The following GLG1 variants were observed in gnomAD, a reference collection of about 807,000 sequenced individuals.
GLG1 encodes the protein Golgi apparatus protein 1.
A neutral mutation model predicts 160.5 loss-of-function variants in GLG1; 38 were observed. The ratio of observed to expected loss-of-function variants is 0.24; its 90% CI spans 0.18 to 0.31. GLG1 has a LOEUF of 0.31. Among genes scored for constraint, GLG1 ranks in the 10% least tolerant of loss-of-function variants. GLG1 has a pLI of 1.00. For missense variants in GLG1, 1,373 were observed against 1,505.2 expected (o/e 0.91, Z 1.45); for synonymous variants, 644 against 543.4 (o/e 1.19, Z -2.57).
chr16:74,569,992 G>C (rs543909392), intron 1 of GLG1, among the ~76,000 whole-genome samples: 2 of 150,300 alleles, frequency 1.3e-5, no homozygotes, highest in Admixed American at 1.3e-4. Flanking sequence ...AGACCAGTTT[G>C]GGCAACACAG....
At position 74,579,519 on chromosome 16, in the gene GLG1, C is replaced by T. The variant is rs1489756775; in HGVS notation, c.438+27138G>A. On this transcript the variant is annotated intron_variant, in intron 1 of 25. Transcript: ENST00000422840. ...GGTGGATCACCTGAGGTCAGGAGTT[C>T]GAGACCAGCCTGGCCAACATGGCAA... Among the ~76,000 whole-genome samples the T allele has an allele frequency of 4.2e-5, 6 of 144,304 alleles. No homozygotes were observed. The East Asian group carries it at 8.6e-4, about 21-fold the overall frequency. 94.7% of individuals were successfully genotyped at this position (144,304 alleles called of 152,430 possible).
chr16:74,605,713 T>C (rs999059926), intron 1 of GLG1, among the ~76,000 whole-genome samples: 1 of 152,112 alleles, frequency 6.6e-6, no homozygotes, highest in Non-Finnish European at 1.5e-5. Context: ...TTGCTATAGC[T>C]TGAACGCCTT....
At chr16:74,514,337 G>A (rs2016909732) in intron 2 of GLG1, among the ~76,000 whole-genome samples, 1 of 152,290 alleles carries the variant, frequency 6.6e-6, no homozygotes, top group African/African-American at 2.4e-5. Context: ...ACACATAATT[G>A]TCAGATTCAC....
Position 74,452,347 on chromosome 16 carries a change from G to A in GLG1, c.*820C>T. On this transcript the variant is annotated 3_prime_UTR_variant, in exon 26 of 26. Coordinates refer to ENST00000422840, the MANE Select transcript of GLG1 (RefSeq NM_001145667.2). ...AGGTTCCTGGGATCCTGCTGCCCCG[G>A]GACTCAGGATCCAGCCTCTCAGTGC... 7.3e-7 allele frequency: 1 copy of A among 1,374,976 alleles called. No individual in the cohort carries two copies. Among genetic ancestry groups the A allele is most frequent in the Non-Finnish European group, 9.4e-7 (1 of 1,061,700 alleles). 85.2% of individuals were successfully genotyped at this position (1,374,976 alleles called of 1,614,324 possible). A position where few individuals can be genotyped will look rare whatever the true frequency, so the allele number is the denominator to read the frequency against.
rs369292889 is a variant in GLG1 at position 74,572,945 on chromosome 16, T to C, written c.438+33712A>G. On this transcript the variant is annotated intron_variant, in intron 1 of 25. Transcript: ENST00000422840. ...TGGGATCTGATGCTATTTCCAGGTATATAGTGTCAAGGATTGAGCTGAATT... is the reference window on the plus strand; with the variant it reads ...TGGGATCTGATGCTATTTCCAGGTACATAGTGTCAAGGATTGAGCTGAATT... 5.3e-5 allele frequency among the ~76,000 whole-genome samples: 8 copies of C among 152,274 alleles called. No individual in the cohort carries two copies. In the East Asian group the frequency reaches 7.7e-4, roughly 15 times the overall value.
chr16:74,532,577 G>T (rs188392817), intron 1 of GLG1, among the ~76,000 whole-genome samples: 6 of 151,936 alleles, frequency 3.9e-5, no homozygotes, highest in Admixed American at 2.6e-4. Flanking sequence ...AGGCTGCCAT[G>T]CAGTGGCGCA....
intron 2 of GLG1, among the ~76,000 whole-genome samples, chr16:74,511,358 A>C (rs777816108): frequency 4.6e-5 from 7 of 152,028 alleles, no homozygotes; most frequent in Admixed American, 1.3e-4. Context: ...ACCATCAATA[A>C]CTGAGTTTTT....
chr16:74,539,790 G>A (rs1201678227), intron 1 of GLG1, among the ~76,000 whole-genome samples: 1 of 147,270 alleles, frequency 6.8e-6, no homozygotes, highest in Non-Finnish European at 1.5e-5. Context: ...AAGATGCTCT[G>A]CCCCAAACTT....
chr16:74,529,999 G>T (rs1597314604), intron 2 of GLG1, among the ~76,000 whole-genome samples: 1 of 151,366 alleles, frequency 6.6e-6, no homozygotes, highest in East Asian at 1.9e-4. Context: ...TTTAGTAGAG[G>T]GGTTTCACTA....
intron 1 of GLG1, among the ~76,000 whole-genome samples, chr16:74,535,841 G>T (rs1392447988): frequency 1.3e-5 from 2 of 152,124 alleles, no homozygotes. Flanking sequence ...GAACCAAATC[G>T]CTATGAAGAA....
At chr16:74,590,795 C>CA (rs71158529) in intron 1 of GLG1, among the ~76,000 whole-genome samples, 839 of 68,506 alleles carry the variant, frequency 0.012, 5 homozygotes, top group Non-Finnish European at 0.014. Context: ...GAAACTGTCT[C>CA]AAAAAAAAAA....
chr16:74,507,708 C>T (rs1369294498), intron 3 of GLG1, among the ~76,000 whole-genome samples: 2 of 151,672 alleles, frequency 1.3e-5, no homozygotes, highest in Admixed American at 6.6e-5. Flanking sequence ...TGCACTCCAG[C>T]GTGGGCGACA....
intron 1 of GLG1, among the ~76,000 whole-genome samples, chr16:74,594,977 A>G (rs1958266010): frequency 6.6e-6 from 1 of 152,094 alleles, no homozygotes; most frequent in South Asian, 2.1e-4. Context: ...TCACGAGGTC[A>G]GGAGATCAAG....
At chr16:74,464,867 G>C (rs2014942499) in intron 19 of GLG1, among the ~76,000 whole-genome samples, 1 of 151,956 alleles carries the variant, frequency 6.6e-6, no homozygotes, top group Non-Finnish European at 1.5e-5. Flanking sequence ...TTTTGAGACA[G>C]AGTCTTACTC....
At chr16:74,595,142 C>T (rs543306578) in intron 1 of GLG1, among the ~76,000 whole-genome samples, 117 of 150,280 alleles carry the variant, frequency 7.8e-4, no homozygotes, top group African/African-American at 2.7e-3. Context: ...GAGCGGAGAT[C>T]GCGCCACTGC....
rs201489559 is a variant in GLG1, at chr16:74,481,396, T to C, written c.1674-1002A>G. Among the ~76,000 whole-genome samples, 48 of 152,250 alleles carry C rather than the reference T, an allele frequency of 3.2e-4. No individual in the cohort carries two copies. The East Asian group carries it at 5.8e-3, about 18-fold the overall frequency. On this transcript the variant is annotated intron_variant, in intron 10 of 25. Transcript: ENST00000422840. The stretch of plus-strand genomic sequence containing the variant: ...TCAACTTTGGTAGATGGCTAGTTAA[T>C]GGGAGAAAAAAGCTAATATTTAATG...
chr16:74,475,045 A>G (rs1254139565), intron 12 of GLG1, among the ~76,000 whole-genome samples: 2 of 151,436 alleles, frequency 1.3e-5, no homozygotes, highest in African/African-American at 2.4e-5. Flanking sequence ...TAATCCCAGC[A>G]ACTCAGGAGG....
intron 5 of GLG1, 124 bp from the exon 6 acceptor site, chr16:74,494,955 C>T (rs993533126): frequency 6.3e-6 from 3 of 477,408 alleles, no homozygotes; most frequent in South Asian, 3.7e-5. Context: ...GGACAAACAG[C>T]GCTTCCATTT....
At chr16:74,479,632 A>G (rs1400068657) in intron 11 of GLG1, among the ~76,000 whole-genome samples, 2 of 152,144 alleles carry the variant, frequency 1.3e-5, no homozygotes, top group African/African-American at 2.4e-5. Flanking sequence ...ATACCATCTC[A>G]ACTCTCCGGA....
Sources: allele counts gnomAD v4.1 joint callset (sites outside exome capture counted in the v4.1 genomes callset), GRCh38; gene constraint gnomAD v4.1.1; transcripts MANE v1.5; gene names NCBI Gene and HGNC (gene_info 2026-07-23, HGNC 2026-07-21).